Variants in FCRLA observed in about 807,000 individuals in gnomAD.
FCRLA encodes the protein Fc receptor like A, also known as Fc receptor-like A.
FCRLA carries 26 observed loss-of-function variants against 28.4 expected under a neutral mutation model. The observed-to-expected ratio is 0.91, with a 90% confidence interval of 0.67 to 1.27. FCRLA has a LOEUF of 1.27. Among genes scored for constraint, FCRLA ranks in the 50% most tolerant of loss-of-function variants. The pLI is 0.00. For synonymous variants in FCRLA, 174 were observed against 168.5 expected, an observed-to-expected ratio of 1.03 and a Z score of -0.25; for missense variants, 422 against 433.1, an observed-to-expected ratio of 0.97 and a Z score of 0.23.
rs1460675662 is a variant in FCRLA, at chr1:161,707,300, C to T, written c.36C>T (p.Leu12=). 2 of 1,613,456 alleles carry T rather than the reference C, an allele frequency of 1.2e-6. No homozygotes were observed. The highest frequency in any genetic ancestry group is 8.5e-7 in the Non-Finnish European group (1 of 1,179,740). Residue 12 remains leucine, a synonymous_variant, in exon 1 of 5, where the codon CTC becomes CTT. Transcript: ENST00000236938. ...GCTGTGTCCTCATGGCCTGGGCCCT[C>T]TACCTTTCCCTTGGTGTGCTCTGGG... ...KLGCVLMAWA[L]YLSLGVLWVA...
chr1:161,710,491 C>A lies in FCRLA; in HGVS notation c.80-269C>A, dbSNP rs766531606. ...CCGTACCAGCAGCTGGATGTCATGCCGGTGAGTTTCACCATTCTTTCATTC... is the reference window on the plus strand; with the variant it reads ...CCGTACCAGCAGCTGGATGTCATGCAGGTGAGTTTCACCATTCTTTCATTC... On this transcript the variant is annotated intron_variant, in intron 1 of 4. Coordinates refer to ENST00000236938, the MANE Select transcript of FCRLA (RefSeq NM_032738.4). 7 of 1,550,622 alleles carry A rather than the reference C, an allele frequency of 4.5e-6. No individual in the cohort carries two copies. The African/African-American group carries it at 9.6e-5, about 21-fold the overall frequency.
chr1:161,713,053 C>A, intron 4 of FCRLA, 32 bp from the exon 5 acceptor site: 1 of 1,589,342 alleles, frequency 6.3e-7, no homozygotes, highest in Non-Finnish European at 8.6e-7. Flanking sequence ...TCAGACTTCA[C>A]TCTTGTATGT....
rs753865073 is a variant in FCRLA, at chr1:161,711,357, T to TTC, written c.385_386dup (p.Ile130ProfsTer60). 1 of 1,614,154 alleles carries TTC rather than the reference T, an allele frequency of 6.2e-7. No individual in the cohort carries two copies. Among genetic ancestry groups the TTC allele is most frequent in the Non-Finnish European group, 8.5e-7 (1 of 1,180,012 alleles). On this transcript the variant is annotated frameshift_variant, in exon 3 of 5. Coordinates refer to ENST00000236938, the MANE Select transcript of FCRLA (RefSeq NM_032738.4). LOFTEE classifies it high-confidence loss of function. ...GGGTCCCCCCGGGCCTAACAGGGAA[T>TTC]TCTCCATCACCGTGGTACAAAAGGC...
At chr1:161,712,266 T>G in intron 4 of FCRLA, 48 bp downstream of exon 4, 1 of 1,572,304 alleles carries the variant, frequency 6.4e-7, no homozygotes, top group Non-Finnish European at 8.6e-7. Flanking sequence ...TGCGTGTGAG[T>G]GAAAAGGAGG....
rs750448024 is a variant in FCRLA at position 161,711,954 on chromosome 1, C to A, written c.520C>A (p.Leu174Ile). 175 of 1,612,174 alleles carry A rather than the reference C, an allele frequency of 1.1e-4. No individual in the cohort carries two copies. Among genetic ancestry groups the A allele is most frequent in the Non-Finnish European group, 1.4e-4 (165 of 1,179,122 alleles). Residue 174 changes from leucine to isoleucine, a missense_variant, in exon 4 of 5, where the codon CTC (leucine) becomes ATC (isoleucine). Coordinates refer to ENST00000236938, the MANE Select transcript of FCRLA (RefSeq NM_032738.4). ...CCCAGAACTGTTTCCAGCGCCAATT[C>A]TCAGAGCTGTACCCTCAGCTGAACC... ...TVQELFPAPI[L>I]RAVPSAEPQA... is the part of the protein sequence containing the mutation.
chr1:161,710,373 G>A (rs1683031423), intron 1 of FCRLA: 3 of 1,102,136 alleles, frequency 2.7e-6, no homozygotes, highest in Non-Finnish European at 4.1e-6. Context: ...AGCAGGGTCT[G>A]GCACCCAGTG....
chr1:161,709,702 T>A (rs1324671751), intron 1 of FCRLA, among the ~76,000 whole-genome samples: 1 of 151,952 alleles, frequency 6.6e-6, no homozygotes, highest in African/African-American at 2.4e-5. Context: ...TGAAGAAGTA[T>A]GCACATGTGA....
Position 161,713,106 on chromosome 1 carries a change from C to T in FCRLA, c.806C>T (p.Pro269Leu), listed in dbSNP as rs749598209. ...TCAGGTGCTTCCAGCTCTGCTGCACCTCCCACATTGAATCCAGCTCCTCAG... is the reference window on the plus strand; with the variant it reads ...TCAGGTGCTTCCAGCTCTGCTGCACTTCCCACATTGAATCCAGCTCCTCAG... ...RVQGASSSAA[P>L]PTLNPAPQKS... The change falls in exon 5 of 5, where the codon CCT becomes CTT. Residue 269 changes from proline to leucine, a missense_variant. Pro to Leu is a moderately conservative substitution (Grantham distance 98). Coordinates refer to ENST00000236938, the MANE Select transcript of FCRLA (RefSeq NM_032738.4). The T allele has an allele frequency of 7.1e-5, 114 of 1,613,500 alleles. No homozygotes were observed. Among genetic ancestry groups the T allele is most frequent in the Non-Finnish European group, 9.4e-5 (111 of 1,179,846 alleles).
At chr1:161,710,226 A>T (rs1241437069) in intron 1 of FCRLA, 1 of 550,990 alleles carries the variant, frequency 1.8e-6, no homozygotes, top group Non-Finnish European at 3.3e-6. Context: ...TTCCCGATCC[A>T]TTGCTTAGTC....
rs73015462 is a variant in FCRLA at position 161,713,724 on chromosome 1, C to A, written c.*344C>A. 0.018 allele frequency: 3,229 copies of A among 184,326 alleles called. 94 individuals carry two copies. The highest frequency in any genetic ancestry group is 0.072 in the African/African-American group (3,041 of 42,026). The allele number at this position is 184,326 out of a possible 1,614,324, so 11.4% of individuals were successfully genotyped here. ...ATTTTGCCCCCCAGAGGACATTGGG[C>A]AATGTTTGGAGACATTTTGGTCATT... On this transcript the variant is annotated 3_prime_UTR_variant, in exon 5 of 5. Transcript: ENST00000236938.
Position 161,707,484 on chromosome 1 carries a change from A to G in FCRLA, c.79+141A>G, listed in dbSNP as rs185291416. The G allele has an allele frequency of 2.8e-5, 26 of 930,262 alleles. No homozygotes were observed. In the East Asian group the frequency reaches 6.7e-4, roughly 24 times the overall value. The allele number at this position is 930,262 out of a possible 1,614,324, so 57.6% of individuals were successfully genotyped here. On this transcript the variant is annotated intron_variant, in intron 1 of 4. Coordinates refer to ENST00000236938, the MANE Select transcript of FCRLA (RefSeq NM_032738.4). ...GTGGAATAAGAAGGGTAGGTATAAGAAAGTTTGGTGTACAGGATTGAATTA... is the reference window on the plus strand; with the variant it reads ...GTGGAATAAGAAGGGTAGGTATAAGGAAGTTTGGTGTACAGGATTGAATTA...
chr1:161,707,381 C>T, intron 1 of FCRLA, 38 bp downstream of exon 1: 1 of 1,535,786 alleles, frequency 6.5e-7, no homozygotes, highest in African/African-American at 1.4e-5. Flanking sequence ...GGGAATGGAG[C>T]TTTGCTTACC....
Position 161,712,076 on chromosome 1 carries a change from G to C in FCRLA, c.642G>C (p.Arg214Ser), listed in dbSNP as rs1197981223. The change falls in exon 4 of 5, where the codon AGG becomes AGC. Residue 214 changes from arginine (R) to serine (S), a missense_variant. By Grantham distance (110) the Arg-to-Ser change is moderately radical. This residue lies in a region of FCRLA where 185 missense variants were observed against 198.1 expected (regional missense o/e 0.93). Transcript: ENST00000236938. ...RLLFSFYKDG[R>S]IVQSRGLSSE... ...TCTTCTCCTTCTACAAGGATGGAAG[G>C]ATAGTGCAAAGCAGGGGGCTCTCCT... 1 of 1,614,172 alleles carries C rather than the reference G, an allele frequency of 6.2e-7. No homozygotes were observed.
At chr1:161,710,702 C>T (rs758039107) in intron 1 of FCRLA, 58 bp from the exon 2 acceptor site, 3 of 1,605,980 alleles carry the variant, frequency 1.9e-6, no homozygotes, top group Non-Finnish European at 2.6e-6. Context: ...GAACCCTGTC[C>T]TCTTTCTCCA....
intron 1 of FCRLA, 86 bp downstream of exon 1, chr1:161,707,429 A>G (rs1190725906): frequency 7.0e-7 from 1 of 1,422,770 alleles, no homozygotes; most frequent in African/African-American, 1.4e-5. Context: ...ACATGGACTA[A>G]TTCTGGCCCT....
Position 161,713,461 on chromosome 1 carries a change from T to C in FCRLA, c.*81T>C, listed in dbSNP as rs1390937881. On this transcript the variant is annotated 3_prime_UTR_variant, in exon 5 of 5. Coordinates refer to ENST00000236938, the MANE Select transcript of FCRLA (RefSeq NM_032738.4). ...ATTTTCTCTTCCTGTCCTGCACATATGCATAAGTACTTTTACAAGTTGTCC... is the reference window on the plus strand; with the variant it reads ...ATTTTCTCTTCCTGTCCTGCACATACGCATAAGTACTTTTACAAGTTGTCC... 14 of 1,165,370 alleles carry C rather than the reference T, an allele frequency of 1.2e-5. No homozygotes were observed. Among genetic ancestry groups the C allele is most frequent in the Admixed American group, 2.4e-5 (1 of 42,208 alleles). The allele number at this position is 1,165,370 out of a possible 1,614,324, so 72.2% of individuals were successfully genotyped here. A position where few individuals can be genotyped will look rare whatever the true frequency, so the allele number is the denominator to read the frequency against.
intron 1 of FCRLA, 52 bp downstream of exon 1, chr1:161,707,395 G>A (rs778764331): frequency 7.2e-6 from 11 of 1,520,676 alleles, no homozygotes; most frequent in Non-Finnish European, 9.7e-6. Flanking sequence ...GCTTACCTTG[G>A]GAGAAAGGAC....
In FCRLA at chr1:161,711,272, C is replaced by A; in HGVS notation, c.297C>A (p.Cys99Ter). The A allele has an allele frequency of 6.2e-7, 1 of 1,614,224 alleles. No homozygotes were observed. Among genetic ancestry groups the A allele is most frequent in the South Asian group, 1.1e-5 (1 of 91,086 alleles). ...AAGGGGACCTGCTGGTTCTGCGCTG[C>A]CAGGCCTGGCAAGACTGGCCACTGA... Reference protein sequence around the residue: ...VFEGDLLVLRCQAWQDWPLTQ... With the variant: ...VFEGDLLVLR The change falls in exon 3 of 5, where the codon TGC becomes TGA. Residue 99 changes from cysteine (C) to a stop codon, truncating the protein, a stop_gained. Transcript: ENST00000236938. LOFTEE classifies it high-confidence loss of function.
At chr1:161,712,355 G>A in intron 4 of FCRLA, 137 bp downstream of exon 4, 1 of 1,007,996 alleles carries the variant, frequency 9.9e-7, no homozygotes, top group South Asian at 1.6e-5. Context: ...GGAACAATGG[G>A]CCAGAATCCC....
Sources: gnomAD v4.1 joint callset for allele counts (sites outside exome capture counted in the v4.1 genomes callset) on GRCh38, gnomAD v4.1.1 for gene constraint, gnomAD v4.1.1 regional missense constraint, MANE v1.5 for transcripts, NCBI Gene and HGNC (gene_info 2026-07-23, HGNC 2026-07-21) for gene names.